Variants in FBXL7 observed in about 807,000 individuals in gnomAD.
FBXL7 encodes F-box/LRR-repeat protein 7.
A neutral mutation model predicts 38.3 loss-of-function variants in FBXL7; 12 were observed. The observed-to-expected ratio is 0.31, with a 90% confidence interval of 0.20 to 0.51. The LOEUF (loss-of-function observed/expected upper bound fraction) is 0.51. Among genes scored for constraint, FBXL7 ranks in the 20% least tolerant of loss-of-function variants. The probability of loss-of-function intolerance (pLI) is 0.98; values close to 1 mark genes in which losing one functional copy is unlikely to be tolerated. For synonymous variants in FBXL7, 297 were observed against 300.9 expected (o/e 0.99, Z 0.13); for missense variants, 567 against 676.4 (o/e 0.84, Z 1.79).
At chr5:15,846,540 C>A (rs1738908379) in intron 2 of FBXL7, among the ~76,000 whole-genome samples, 1 of 152,130 alleles carries the variant, frequency 6.6e-6, no homozygotes, top group Non-Finnish European at 1.5e-5. Context: ...TATATGATAA[C>A]CTGCAAAGGA....
intron 1 of FBXL7, among the ~76,000 whole-genome samples, chr5:15,598,763 C>T (rs1411481507): frequency 6.6e-6 from 1 of 151,992 alleles, no homozygotes; most frequent in Non-Finnish European, 1.5e-5. Flanking sequence ...ATTTATCTGC[C>T]CCTCACTCCC....
intron 2 of FBXL7, among the ~76,000 whole-genome samples, chr5:15,892,797 C>T (rs1740954596): frequency 6.6e-6 from 1 of 152,164 alleles, no homozygotes; most frequent in Admixed American, 6.5e-5. Flanking sequence ...GAGGTGGAAA[C>T]TATTTTCCTC....
At chr5:15,833,417 G>T (rs772006839) in intron 2 of FBXL7, among the ~76,000 whole-genome samples, 4 of 152,076 alleles carry the variant, frequency 2.6e-5, no homozygotes, top group Non-Finnish European at 5.9e-5. Context: ...TACCATCACC[G>T]ATTAGTGATG....
chr5:15,696,134 T>C (rs1372745043), intron 2 of FBXL7, among the ~76,000 whole-genome samples: 1 of 152,250 alleles, frequency 6.6e-6, no homozygotes, highest in Non-Finnish European at 1.5e-5. Flanking sequence ...AAGCTCTTCC[T>C]TTCTGGGAGT....
rs1323128374 is a variant in FBXL7 at position 15,616,650 on chromosome 5, T to G, written c.127+578T>G. Reference sequence around the variant, plus strand: ...AGAATTTGCATGTGGTAATACATGTTAGAATTCCACTGCTTTTCAATATGG... The same window carrying G: ...AGAATTTGCATGTGGTAATACATGTGAGAATTCCACTGCTTTTCAATATGG... On this transcript the variant is annotated intron_variant, in intron 2 of 3. Transcript: ENST00000504595. Among the ~76,000 whole-genome samples, 64 of 152,240 alleles carry G rather than the reference T, an allele frequency of 4.2e-4. 1 individual carries two copies. The highest frequency in any genetic ancestry group is 4.2e-3 in the Admixed American group (64 of 15,276).
chr5:15,737,139 T>C (rs1203502394), intron 2 of FBXL7, among the ~76,000 whole-genome samples: 1 of 152,136 alleles, frequency 6.6e-6, no homozygotes, highest in Non-Finnish European at 1.5e-5. Flanking sequence ...ATCCTCTTAA[T>C]CTCTTCCCTA....
chr5:15,752,411 C>T (rs1017590154), intron 2 of FBXL7, among the ~76,000 whole-genome samples: 42 of 152,054 alleles, frequency 2.8e-4, no homozygotes, highest in African/African-American at 8.0e-4. Flanking sequence ...AGGCTGGGGG[C>T]CTGTGCTTTG....
chr5:15,824,879 C>A (rs1200749331), intron 2 of FBXL7, among the ~76,000 whole-genome samples: 1 of 152,118 alleles, frequency 6.6e-6, no homozygotes, highest in Non-Finnish European at 1.5e-5. Flanking sequence ...AATTGTCAGG[C>A]CAATCTTTTC....
chr5:15,794,415 G>A (rs532639005), intron 2 of FBXL7, among the ~76,000 whole-genome samples: 2 of 152,288 alleles, frequency 1.3e-5, no homozygotes, highest in South Asian at 4.1e-4. Flanking sequence ...TTTGCCAAAT[G>A]TTTTTGTTTT....
At chr5:15,709,643 T>C (rs1257831065) in intron 2 of FBXL7, among the ~76,000 whole-genome samples, 3 of 152,044 alleles carry the variant, frequency 2.0e-5, no homozygotes, top group Admixed American at 6.6e-5. Flanking sequence ...TTAGACACCA[T>C]GATCGTTCAT....
At chr5:15,623,413 A>G (rs1740715203) in intron 2 of FBXL7, among the ~76,000 whole-genome samples, 1 of 152,228 alleles carries the variant, frequency 6.6e-6, no homozygotes, top group South Asian at 2.1e-4. Context: ...TTTTAAATGT[A>G]TCATTGGAGG....
At chr5:15,855,433 A>C (rs1000850311) in intron 2 of FBXL7, among the ~76,000 whole-genome samples, 3 of 152,150 alleles carry the variant, frequency 2.0e-5, no homozygotes, top group Admixed American at 2.0e-4. Flanking sequence ...GTGGACACCC[A>C]TACTTTTATT....
intron 1 of FBXL7, among the ~76,000 whole-genome samples, chr5:15,550,742 C>T (rs1738042345): frequency 6.6e-6 from 1 of 152,190 alleles, no homozygotes. Flanking sequence ...CCAAGTTCTC[C>T]CAAACTCTTG....
intron 2 of FBXL7, among the ~76,000 whole-genome samples, chr5:15,660,205 C>A (rs1247523865): frequency 1.3e-5 from 2 of 152,196 alleles, no homozygotes; most frequent in Non-Finnish European, 2.9e-5. Flanking sequence ...CTTCCCACTC[C>A]CATGCCCTCT....
intron 2 of FBXL7, among the ~76,000 whole-genome samples, chr5:15,854,579 A>G (rs538664074): frequency 2.0e-5 from 3 of 152,342 alleles, no homozygotes; most frequent in Non-Finnish European, 4.4e-5. Context: ...AGGAGAAATT[A>G]AACTGTATGA....
intron 2 of FBXL7, among the ~76,000 whole-genome samples, chr5:15,831,086 G>T: frequency 6.6e-6 from 1 of 152,154 alleles, no homozygotes; most frequent in Non-Finnish European, 1.5e-5. Flanking sequence ...GCACTTACAA[G>T]GTTAACTGGC....
At chr5:15,815,105 A>G (rs1295145735) in intron 2 of FBXL7, among the ~76,000 whole-genome samples, 1 of 152,166 alleles carries the variant, frequency 6.6e-6, no homozygotes, top group East Asian at 1.9e-4. Context: ...TTTGTGTTCT[A>G]CCAACCAGTT....
intron 2 of FBXL7, among the ~76,000 whole-genome samples, chr5:15,675,734 A>G (rs1000182345): frequency 6.6e-6 from 1 of 152,222 alleles, no homozygotes; most frequent in Admixed American, 6.5e-5. Context: ...CTAAGGATGC[A>G]ATTTGAAAGA....
Position 15,929,626 on chromosome 5 carries a change from A to G in FBXL7, c.739+1125A>G, listed in dbSNP as rs997754061. On this transcript the variant is annotated intron_variant, in intron 3 of 3. Transcript: ENST00000504595. ...AGGACAGAGTGAGACCCTGTCTCTG[A>G]AAAAAAAAAAAAAAAAAAAGAAAAA... Among the ~76,000 whole-genome samples, 61 of 53,126 alleles carry G rather than the reference A, an allele frequency of 1.1e-3. 1 individual carries two copies. The highest frequency in any genetic ancestry group is 9.7e-3 in the African/African-American group (59 of 6,106). The allele number at this position is 53,126 out of a possible 152,430, so 34.9% of individuals were successfully genotyped here.
Sources: allele counts gnomAD v4.1 joint callset (sites outside exome capture counted in the v4.1 genomes callset), GRCh38; gene constraint gnomAD v4.1.1; transcripts MANE v1.5; gene names NCBI Gene and HGNC (gene_info 2026-07-23, HGNC 2026-07-21).